The following KIF9 variants were observed in gnomAD, a reference collection of about 807,000 sequenced individuals.
The protein encoded by KIF9 is kinesin-like protein KIF9.
Under a neutral mutation model 94.8 loss-of-function variants are expected in KIF9, and 68 were observed. The observed-to-expected ratio is 0.72, with a 90% confidence interval of 0.59 to 0.88. KIF9 has a LOEUF of 0.88. Among genes scored for constraint, KIF9 ranks in the 40% least tolerant of loss-of-function variants. KIF9 has a pLI of 0.00. For missense variants in KIF9, 882 were observed against 982.5 expected (o/e 0.90, Z 1.37); for synonymous variants, 343 against 362.1 (o/e 0.95, Z 0.60).
Position 47,267,001 on chromosome 3 carries a change from C to A in KIF9, c.743G>T (p.Gly248Val). The A allele has an allele frequency of 6.2e-7, 1 of 1,613,856 alleles. No individual in the cohort carries two copies. Among genetic ancestry groups the A allele is most frequent in the East Asian group, 2.2e-5 (1 of 44,870 alleles). Reference sequence around the variant, plus strand: ...CCCAGACTTCCCCAGCCTCTCTGAGCCTGCCAGATCCACCAAGTTAATTTT... The same window carrying A: ...CCCAGACTTCCCCAGCCTCTCTGAGACTGCCAGATCCACCAAGTTAATTTT... ...TSKINLVDLA[G>V]SERLGKSGSE... The change falls in exon 7 of 21, where the codon GGC becomes GTC. Residue 248 changes from glycine (G) to valine (V), a missense_variant. Coordinates refer to ENST00000684063, the MANE Select transcript of KIF9 (RefSeq NM_182902.4).
Position 47,282,642 on chromosome 3 carries a change from G to T in KIF9, c.-153C>A. ...CCGGAAGTGTCGGGGTGGCGGAAATGAAGTCCGAGGTCCTACGTCGAGGAT... is the reference window on the plus strand; with the variant it reads ...CCGGAAGTGTCGGGGTGGCGGAAATTAAGTCCGAGGTCCTACGTCGAGGAT... On this transcript the variant is annotated 5_prime_UTR_variant, in exon 1 of 21. Transcript: ENST00000684063. The T allele has an allele frequency of 7.8e-6, 9 of 1,160,620 alleles. No individual in the cohort carries two copies. The highest frequency in any genetic ancestry group is 8.6e-6 in the Non-Finnish European group (8 of 934,478). 71.9% of individuals were successfully genotyped at this position (1,160,620 alleles called of 1,614,324 possible).
chr3:47,265,633 G>A, intron 8 of KIF9, 97 bp downstream of exon 8: 30 of 1,316,056 alleles, frequency 2.3e-5, no homozygotes, highest in Admixed American at 3.9e-5. Flanking sequence ...GCCACCAGGA[G>A]GGAGCAATTC....
intron 10 of KIF9, among the ~76,000 whole-genome samples, chr3:47,254,439 G>C (rs370463856): frequency 1.3e-5 from 2 of 151,640 alleles, no homozygotes; most frequent in East Asian, 3.9e-4. Flanking sequence ...GCCTGGGTGA[G>C]ACTCCATCTC....
In KIF9 at chr3:47,282,563, G is replaced by A. The variant is rs2107555401; in HGVS notation, c.-74C>T. On this transcript the variant is annotated 5_prime_UTR_variant, in exon 1 of 21. Coordinates refer to ENST00000684063, the MANE Select transcript of KIF9 (RefSeq NM_182902.4). The stretch of plus-strand genomic sequence containing the variant: ...CGAAACCACCTGCACTCCCCACGCG[G>A]GGCTGCCTGGCTGTGTACATAGTCG... 1 of 1,024,418 alleles carries A rather than the reference G, an allele frequency of 9.8e-7. No homozygotes were observed. Among genetic ancestry groups the A allele is most frequent in the South Asian group, 3.5e-5 (1 of 28,284 alleles). The allele number at this position is 1,024,418 out of a possible 1,614,324, so 63.5% of individuals were successfully genotyped here. A position where few individuals can be genotyped will look rare whatever the true frequency, so the allele number is the denominator to read the frequency against.
chr3:47,270,010 C>T (rs1294292958), intron 5 of KIF9, among the ~76,000 whole-genome samples: 2 of 151,750 alleles, frequency 1.3e-5, no homozygotes, highest in Non-Finnish European at 2.9e-5. Flanking sequence ...TCTTGTGATC[C>T]GCCTGCCTCC....
At chr3:47,257,705 C>T (rs1482990395) in intron 9 of KIF9, 145 bp from the exon 10 acceptor site, 1 of 665,906 alleles carries the variant, frequency 1.5e-6, no homozygotes, top group African/African-American at 1.8e-5. Context: ...CCCCAGAGGA[C>T]ATTGGTCAAA....
chr3:47,272,282 C>T (rs945334984), intron 4 of KIF9, among the ~76,000 whole-genome samples: 6 of 151,960 alleles, frequency 3.9e-5, no homozygotes, highest in African/African-American at 9.7e-5. Flanking sequence ...GAATTTAGAC[C>T]GGTTTTGTTC....
Position 47,245,527 on chromosome 3 carries a change from G to A in KIF9, c.1290-16C>T. On this transcript the variant is annotated splice_polypyrimidine_tract_variant and intron_variant, in intron 13 of 20. Coordinates refer to ENST00000684063, the MANE Select transcript of KIF9 (RefSeq NM_182902.4). Reference sequence around the variant, plus strand: ...TTCCTGTTGGCTTGGGAGACAGCAAGAGAGAACAGCTTGTACCTGGGGCCA... The same window carrying A: ...TTCCTGTTGGCTTGGGAGACAGCAAAAGAGAACAGCTTGTACCTGGGGCCA... 1 of 1,599,504 alleles carries A rather than the reference G, an allele frequency of 6.3e-7. No individual in the cohort carries two copies. Among genetic ancestry groups the A allele is most frequent in the Non-Finnish European group, 8.6e-7 (1 of 1,167,430 alleles).
intron 13 of KIF9, chr3:47,245,810 AG>A: frequency 2.0e-6 from 1 of 501,452 alleles, no homozygotes; most frequent in South Asian, 2.5e-5. Context: ...GTTCTGTCTT[AG>A]GTTCTGTCTC....
intron 17 of KIF9, among the ~76,000 whole-genome samples, chr3:47,237,426 C>T (rs1394905284): frequency 6.6e-6 from 1 of 152,178 alleles, no homozygotes; most frequent in Non-Finnish European, 1.5e-5. Flanking sequence ...GATGATTAGA[C>T]ATCTATATCG....
chr3:47,274,485 CTT>C (rs552715559), intron 3 of KIF9, among the ~76,000 whole-genome samples: 8 of 152,230 alleles, frequency 5.3e-5, no homozygotes, highest in Non-Finnish European at 1.0e-4. Flanking sequence ...AATTTTTTGC[CTT>C]TGTCACACAG....
At chr3:47,268,993 C>T (rs759309865) in intron 5 of KIF9, among the ~76,000 whole-genome samples, 7 of 151,802 alleles carry the variant, frequency 4.6e-5, no homozygotes, top group African/African-American at 1.2e-4. Context: ...AGGCTGGTCT[C>T]GAACTCCTGA....
At chr3:47,272,819 G>A (rs1701730540) in intron 4 of KIF9, among the ~76,000 whole-genome samples, 2 of 152,226 alleles carry the variant, frequency 1.3e-5, no homozygotes, top group South Asian at 4.1e-4. Flanking sequence ...AGCTTTGACA[G>A]TGGGATATTA....
At position 47,245,704 on chromosome 3, in the gene KIF9, C is replaced by T. The variant is rs116073674; in HGVS notation, c.1290-193G>A. On this transcript the variant is annotated intron_variant, in intron 13 of 20. Coordinates refer to ENST00000684063, the MANE Select transcript of KIF9 (RefSeq NM_182902.4). ...TGCCCCATTGCATATACCCACTGTC[C>T]GACCCCCATACCCACAAGGGCTACC... 3.6e-3 allele frequency: 2,111 copies of T among 589,176 alleles called. 38 individuals are homozygous for T. The African/African-American group carries it at 0.036, about 10-fold the overall frequency. The allele number at this position is 589,176 out of a possible 1,614,324, so 36.5% of individuals were successfully genotyped here.
At chr3:47,243,936 C>T (rs1242996538) in intron 15 of KIF9, 3 of 152,214 alleles carry the variant, frequency 2.0e-5, no homozygotes, top group Non-Finnish European at 2.9e-5. Flanking sequence ...ACTGATTATC[C>T]GGAAGCAGAA....
At chr3:47,280,269 G>T (rs1278762996) in intron 1 of KIF9, among the ~76,000 whole-genome samples, 2 of 152,158 alleles carry the variant, frequency 1.3e-5, no homozygotes, top group East Asian at 3.9e-4. Flanking sequence ...ACATCCAAGG[G>T]CCCATTCTCC....
intron 9 of KIF9, among the ~76,000 whole-genome samples, chr3:47,260,481 T>C (rs1700898300): frequency 6.6e-6 from 1 of 152,184 alleles, no homozygotes; most frequent in Non-Finnish European, 1.5e-5. Flanking sequence ...CACAGGTGTG[T>C]AGGGGCAACC....
intron 10 of KIF9, among the ~76,000 whole-genome samples, chr3:47,255,839 C>A (rs1307078520): frequency 1.4e-5 from 2 of 147,826 alleles, no homozygotes; most frequent in Non-Finnish European, 3.0e-5. Flanking sequence ...GCTGCCATCT[C>A]GGCTCACTGC....
At chr3:47,241,865 C>CATATAT (rs200180172) in intron 16 of KIF9, among the ~76,000 whole-genome samples, 9 of 109,386 alleles carry the variant, frequency 8.2e-5, no homozygotes, top group African/African-American at 3.3e-4. Flanking sequence ...TATATATACA[C>CATATAT]ATATATATAT....
Sources: gnomAD v4.1 joint callset for allele counts (sites outside exome capture counted in the v4.1 genomes callset) on GRCh38, gnomAD v4.1.1 for gene constraint, MANE v1.5 for transcripts, NCBI Gene and HGNC (gene_info 2026-07-23, HGNC 2026-07-21) for gene names.